The following NUMB variants were observed in gnomAD, a reference collection of about 807,000 sequenced individuals.
NUMB encodes protein numb homolog.
A neutral mutation model predicts 59.7 loss-of-function variants in NUMB; 29 were observed. The observed-to-expected ratio is 0.49, with a 90% CI of 0.36 to 0.66. The LOEUF is 0.66. Among genes scored for constraint, NUMB ranks in the 30% least tolerant of loss-of-function variants. The pLI is 0.00. For missense variants in NUMB, 723 were observed against 822.0 expected (o/e 0.88, Z 1.47); for synonymous variants, 288 against 288.2 (o/e 1.00, Z 0.01).
chr14:73,361,821 T>C (rs1894109116), intron 3 of NUMB, among the ~76,000 whole-genome samples: 1 of 151,990 alleles, frequency 6.6e-6, no homozygotes, highest in Non-Finnish European at 1.5e-5. Context: ...AAGAACACAA[T>C]GAAAGAGACA....
intron 6 of NUMB, among the ~76,000 whole-genome samples, chr14:73,312,178 G>A (rs1426892813): frequency 6.6e-6 from 1 of 152,186 alleles, no homozygotes; most frequent in Non-Finnish European, 1.5e-5. Flanking sequence ...CTGATCACTT[G>A]AGGTCAGGAA....
intron 1 of NUMB, among the ~76,000 whole-genome samples, chr14:73,434,272 ATTGGG>A (rs1223809041): frequency 2.0e-5 from 3 of 152,150 alleles, no homozygotes; most frequent in Non-Finnish European, 4.4e-5. Context: ...ACTCTATGAT[ATTGGG>A]CAAATCACTT....
intron 1 of NUMB, among the ~76,000 whole-genome samples, chr14:73,445,378 A>C (rs1421811415): frequency 1.4e-5 from 2 of 143,450 alleles, no homozygotes; most frequent in Non-Finnish European, 1.5e-5. Flanking sequence ...AAAAAAAAAA[A>C]AAAAAAAAAA....
At chr14:73,457,490 T>C (rs2140221463) in intron 1 of NUMB, 1 of 152,344 alleles carries the variant, frequency 6.6e-6, no homozygotes, top group South Asian at 2.1e-4. Context: ...ACGAAACCAT[T>C]ACTCTCTCCT....
chr14:73,345,202 T>C (rs1892842362), intron 4 of NUMB, among the ~76,000 whole-genome samples: 2 of 152,200 alleles, frequency 1.3e-5, no homozygotes, highest in African/African-American at 2.4e-5. Context: ...TGCAGCAACA[T>C]GGATGCAGCT....
chr14:73,276,910 C>A lies in NUMB; in HGVS notation c.1624G>T (p.Ala542Ser). 6.2e-7 allele frequency: 1 copy of A among 1,614,092 alleles called. No individual in the cohort carries two copies. The highest frequency in any genetic ancestry group is 8.5e-7 in the Non-Finnish European group (1 of 1,179,998). The change falls in exon 13 of 13, where the codon GCA becomes TCA. Residue 542 changes from alanine (A) to serine (S), a missense_variant. By Grantham distance (99) the Ala-to-Ser change is moderately conservative (BLOSUM62 1). Transcript: ENST00000555238. ...SQMVANVFGT[A>S]GHPQAAHPHQ... ...GGATGGGCAGCCTGAGGGTGGCCTG[C>A]AGTGCCAAATACGTTGGCCACCATC...
At chr14:73,372,313 A>ATATATATATATATATATATATAACATTT in intron 2 of NUMB, among the ~76,000 whole-genome samples, 1 of 98,702 alleles carries the variant, frequency 1.0e-5, no homozygotes, top group African/African-American at 4.3e-5. Flanking sequence ...TTTTATATAT[A>ATATATATATATATATATATATAACATTT]TATATATATA....
intron 1 of NUMB, among the ~76,000 whole-genome samples, chr14:73,420,832 T>C (rs1007897289): frequency 6.6e-6 from 1 of 152,076 alleles, no homozygotes; most frequent in Non-Finnish European, 1.5e-5. Context: ...ACCATGAATA[T>C]GGCTGCACTC....
chr14:73,353,691 A>T (rs756586106), intron 4 of NUMB, among the ~76,000 whole-genome samples: 1 of 151,494 alleles, frequency 6.6e-6, no homozygotes, highest in African/African-American at 2.4e-5. Flanking sequence ...TTTGCAACAG[A>T]GCGAGACTCC....
At chr14:73,320,135 G>A (rs1011951647) in intron 5 of NUMB, among the ~76,000 whole-genome samples, 13 of 91,878 alleles carry the variant, frequency 1.4e-4, no homozygotes, top group South Asian at 3.6e-4. Context: ...CCGACTCGGC[G>A]GGGGGGCAAA....
intron 11 of NUMB, among the ~76,000 whole-genome samples, chr14:73,280,461 TATG>T (rs1888547801): frequency 6.6e-6 from 1 of 151,904 alleles, no homozygotes; most frequent in Non-Finnish European, 1.5e-5. Flanking sequence ...TTTCCCCCTC[TATG>T]ATGTTTACAA....
chr14:73,437,533 T>C (rs1898110447), intron 1 of NUMB, among the ~76,000 whole-genome samples: 1 of 152,172 alleles, frequency 6.6e-6, no homozygotes, highest in Non-Finnish European at 1.5e-5. Context: ...TTTCTATTGA[T>C]TATGGTTTCC....
chr14:73,284,380 GA>G lies in NUMB; in HGVS notation c.656-7del, dbSNP rs1356743860. On this transcript the variant is annotated splice_polypyrimidine_tract_variant and splice_region_variant and intron_variant, in intron 9 of 12. Coordinates refer to ENST00000555238, the MANE Select transcript of NUMB (RefSeq NM_001005743.2). Reference sequence around the variant, plus strand: ...GACTATCTTATCTGTTTCAGCTCAAGAAAATAAAGAGAATGAAGACCTTAGC... The same window carrying G: ...GACTATCTTATCTGTTTCAGCTCAAGAAATAAAGAGAATGAAGACCTTAGC... 1 of 1,605,016 alleles carries G rather than the reference GA, an allele frequency of 6.2e-7. No individual in the cohort carries two copies. Among genetic ancestry groups the G allele is most frequent in the Non-Finnish European group, 8.5e-7 (1 of 1,174,590 alleles).
rs186271560 is a variant in NUMB at position 73,373,435 on chromosome 14, C to T, written c.-100-6454G>A. On this transcript the variant is annotated intron_variant, in intron 2 of 12. Coordinates refer to ENST00000555238, the MANE Select transcript of NUMB (RefSeq NM_001005743.2). The stretch of plus-strand genomic sequence containing the variant: ...AGCCTCAGATTTTGTTCATTCAACT[C>T]ACAAATATTTATTGAGTGTCTATGC... 3.3e-3 allele frequency among the ~76,000 whole-genome samples: 497 copies of T among 152,266 alleles called. 3 individuals carry two copies. The highest frequency in any genetic ancestry group is 0.012 in the South Asian group (60 of 4,822).
Position 73,375,217 on chromosome 14 carries a change from T to C in NUMB, c.-100-8236A>G, listed in dbSNP as rs73309079. On this transcript the variant is annotated intron_variant, in intron 2 of 12. Transcript: ENST00000555238. ...ATCATATCAGTCAAGTCCTAAAAAA[T>C]TGAGTTTGTTTGCACCCAAGTACAG... Among the ~76,000 whole-genome samples, 188 of 152,298 alleles carry C rather than the reference T, an allele frequency of 1.2e-3. 1 individual carries two copies. The highest frequency in any genetic ancestry group is 4.4e-3 in the African/African-American group (182 of 41,562).
chr14:73,326,652 A>C (rs1335975294), intron 4 of NUMB, among the ~76,000 whole-genome samples: 2 of 151,958 alleles, frequency 1.3e-5, no homozygotes, highest in Non-Finnish European at 2.9e-5. Flanking sequence ...AAAAAGAAAA[A>C]GAAAACTGAA....
At chr14:73,418,009 G>T (rs1200967424) in intron 1 of NUMB, among the ~76,000 whole-genome samples, 1 of 151,920 alleles carries the variant, frequency 6.6e-6, no homozygotes, top group African/African-American at 2.4e-5. Context: ...GGAGGCTGAG[G>T]CAGGAGAATC....
At chr14:73,357,220 T>C (rs546863847) in intron 3 of NUMB, among the ~76,000 whole-genome samples, 83 of 149,670 alleles carry the variant, frequency 5.5e-4, no homozygotes, top group African/African-American at 2.0e-3. Context: ...CTGGCTAACA[T>C]AGCGAAACCC....
intron 1 of NUMB, among the ~76,000 whole-genome samples, chr14:73,414,604 T>A (rs1897041978): frequency 6.6e-6 from 1 of 152,104 alleles, no homozygotes; most frequent in Non-Finnish European, 1.5e-5. Flanking sequence ...CAGGCTAGTC[T>A]TGAACTCCTG....
Sources: allele counts gnomAD v4.1 joint callset (sites outside exome capture counted in the v4.1 genomes callset), GRCh38; gene constraint gnomAD v4.1.1; transcripts MANE v1.5; gene names NCBI Gene and HGNC (gene_info 2026-07-23, HGNC 2026-07-21).